The following SLCO1B1 variants were observed in gnomAD, a reference collection of about 807,000 sequenced individuals.
SLCO1B1 encodes the protein solute carrier organic anion transporter family member 1B1, also known as OATP-2.
A neutral mutation model predicts 70.1 loss-of-function variants in SLCO1B1; 81 were observed. The ratio of observed to expected loss-of-function variants is 1.16; its 90% CI spans 0.97 to 1.39. The LOEUF is 1.39. Among genes scored for constraint, SLCO1B1 ranks in the 40% most tolerant of loss-of-function variants. The probability of loss-of-function intolerance (pLI) is 0.00; values close to 1 mark genes in which losing one functional copy is unlikely to be tolerated. For synonymous variants in SLCO1B1, 283 were observed against 271.5 expected, an observed-to-expected ratio of 1.04 and a Z score of -0.42; for missense variants, 895 against 799.6, an observed-to-expected ratio of 1.12 and a Z score of -1.44.
At chr12:21,209,364 C>T (rs1343485086) in intron 11 of SLCO1B1, among the ~76,000 whole-genome samples, 1 of 152,062 alleles carries the variant, frequency 6.6e-6, no homozygotes, top group Admixed American at 6.6e-5. Context: ...CAGTTTCATC[C>T]ATGTCCCTAC....
intron 9 of SLCO1B1, among the ~76,000 whole-genome samples, chr12:21,201,321 T>C (rs1038221197): frequency 2.0e-5 from 3 of 152,110 alleles, no homozygotes; most frequent in African/African-American, 7.2e-5. Context: ...AGAAAATGAA[T>C]GTACTGAAGC....
intron 2 of SLCO1B1, among the ~76,000 whole-genome samples, chr12:21,165,805 T>A (rs1444008724): frequency 6.6e-6 from 1 of 152,130 alleles, no homozygotes; most frequent in Non-Finnish European, 1.5e-5. Flanking sequence ...TTGACCATGC[T>A]GGCACCCTTA....
At chr12:21,150,185 C>G (rs557524591) in intron 2 of SLCO1B1, among the ~76,000 whole-genome samples, 1 of 152,254 alleles carries the variant, frequency 6.6e-6, no homozygotes, top group South Asian at 2.1e-4. Flanking sequence ...AGAAAGGCAG[C>G]AGCCCCAGTC....
rs747056749 is a variant in SLCO1B1 at position 21,217,184 on chromosome 12, G to T, written c.1563G>T (p.Leu521Phe). The T allele has an allele frequency of 6.2e-7, 1 of 1,613,672 alleles. No individual in the cohort carries two copies. The highest frequency in any genetic ancestry group is 1.3e-5 in the African/African-American group (1 of 75,024). Reference protein sequence around the residue: ...GLQNRNYSAHLGECPRDDACT... With the variant: ...GLQNRNYSAHFGECPRDDACT... ...AGAACAGAAATTACTCAGCCCATTT[G>T]GGTGAATGCCCAAGAGATGATGCTT... The change falls in exon 12 of 15, where the codon TTG (leucine) becomes TTT (phenylalanine). Residue 521 changes from leucine to phenylalanine, a missense_variant. Leu to Phe is a conservative substitution (Grantham distance 22). Coordinates refer to ENST00000256958, the MANE Select transcript of SLCO1B1 (RefSeq NM_006446.5).
At chr12:21,135,950 C>T (rs1200932179) in intron 1 of SLCO1B1, among the ~76,000 whole-genome samples, 1 of 152,148 alleles carries the variant, frequency 6.6e-6, no homozygotes, top group Non-Finnish European at 1.5e-5. Context: ...TACAATTTGG[C>T]ATGTTTTTGC....
At chr12:21,214,711 C>T (rs1003596871) in intron 11 of SLCO1B1, among the ~76,000 whole-genome samples, 2 of 152,068 alleles carry the variant, frequency 1.3e-5, no homozygotes, top group African/African-American at 2.4e-5. Flanking sequence ...TAGCAATCAG[C>T]GAGACTCCAT....
intron 2 of SLCO1B1, among the ~76,000 whole-genome samples, chr12:21,167,824 T>G (rs1389344489): frequency 6.6e-6 from 1 of 150,940 alleles, no homozygotes; most frequent in Non-Finnish European, 1.5e-5. Context: ...TTTTCTTTTT[T>G]TTTTTTTTTT....
intron 14 of SLCO1B1, among the ~76,000 whole-genome samples, chr12:21,237,278 A>T (rs761675220): frequency 6.6e-6 from 1 of 152,208 alleles, no homozygotes; most frequent in Non-Finnish European, 1.5e-5. Flanking sequence ...TACAAGGAAG[A>T]TGTACTGGAA....
chr12:21,165,959 G>A (rs754374990), intron 2 of SLCO1B1, among the ~76,000 whole-genome samples: 2 of 151,634 alleles, frequency 1.3e-5, no homozygotes, highest in Non-Finnish European at 2.9e-5. Flanking sequence ...CACAGAATCC[G>A]CAAACTTGAA....
Position 21,205,916 on chromosome 12 carries a change from C to T in SLCO1B1, c.1380C>T (p.Asn460=), listed in dbSNP as rs1321458795. 6.8e-6 allele frequency: 11 copies of T among 1,610,446 alleles called. No homozygotes were observed. Among genetic ancestry groups the T allele is most frequent in the East Asian group, 2.2e-5 (1 of 44,770 alleles). ...SHRDVPLSYC[N]SDCNCDESQW... is the part of the protein sequence containing the mutation. ...GAGATGTACCACTTTCTTATTGCAACTCAGACTGCAATTGTGATGAAAGTC... is the reference window on the plus strand; with the variant it reads ...GAGATGTACCACTTTCTTATTGCAATTCAGACTGCAATTGTGATGAAAGTC... The change falls in exon 11 of 15, where the codon AAC becomes AAT. Residue 460 remains asparagine, a synonymous_variant. Transcript: ENST00000256958.
intron 2 of SLCO1B1, among the ~76,000 whole-genome samples, chr12:21,154,062 A>G (rs745585555): frequency 1.4e-4 from 21 of 151,412 alleles, no homozygotes; most frequent in Middle Eastern, 3.4e-3. Flanking sequence ...ACTTGCTTTT[A>G]CTATCTTACA....
rs143019732 is a variant in SLCO1B1 at position 21,186,784 on chromosome 12, G to T, written c.727+7764G>T. Among the ~76,000 whole-genome samples the T allele has an allele frequency of 9.0e-3, 1,371 of 152,084 alleles. 19 individuals are homozygous for T. The highest frequency in any genetic ancestry group is 0.035 in the South Asian group (170 of 4,826). ...CTTATCTCATATTGAAAATGAAATT[G>T]TTATATGGCTGCAAACTTTTATAAG... On this transcript the variant is annotated intron_variant, in intron 7 of 14. Coordinates refer to ENST00000256958, the MANE Select transcript of SLCO1B1 (RefSeq NM_006446.5).
intron 10 of SLCO1B1, 70 bp from the exon 11 acceptor site, chr12:21,205,798 T>C: frequency 2.6e-6 from 3 of 1,165,950 alleles, no homozygotes; most frequent in Non-Finnish European, 3.8e-6. Flanking sequence ...TACTTCTTCC[T>C]TCTCCTCCCC....
intron 11 of SLCO1B1, among the ~76,000 whole-genome samples, chr12:21,211,641 A>G (rs1016535923): frequency 6.6e-6 from 1 of 152,164 alleles, no homozygotes; most frequent in African/African-American, 2.4e-5. Flanking sequence ...GAATGGTACC[A>G]GTTCCTCCTT....
chr12:21,140,955 T>G (rs1272817189), intron 1 of SLCO1B1, among the ~76,000 whole-genome samples: 1 of 151,988 alleles, frequency 6.6e-6, no homozygotes, highest in Non-Finnish European at 1.5e-5. Context: ...AGAGTTGCTC[T>G]GAGAAGTACT....
chr12:21,238,464 A>C (rs1377424832), intron 14 of SLCO1B1, among the ~76,000 whole-genome samples: 2 of 151,560 alleles, frequency 1.3e-5, no homozygotes, highest in African/African-American at 4.9e-5. Context: ...TATTCCTTTC[A>C]ATCTATGTTT....
chr12:21,200,137 G>A (rs1941139424), intron 8 of SLCO1B1, among the ~76,000 whole-genome samples: 1 of 152,014 alleles, frequency 6.6e-6, no homozygotes, highest in African/African-American at 2.4e-5. Context: ...CATATTGTCT[G>A]GTACCCAGTT....
intron 11 of SLCO1B1, among the ~76,000 whole-genome samples, chr12:21,216,188 A>T (rs559496365): frequency 6.6e-6 from 1 of 152,160 alleles, no homozygotes; most frequent in South Asian, 2.1e-4. Context: ...ATGAACCATC[A>T]CTTCTTAAAA....
chr12:21,194,358 G>A (rs541742869), intron 7 of SLCO1B1, among the ~76,000 whole-genome samples: 1 of 152,118 alleles, frequency 6.6e-6, no homozygotes, highest in African/African-American at 2.4e-5. Flanking sequence ...TGAGACTAGT[G>A]ATTTTAGAGC....
Sources: allele counts gnomAD v4.1 joint callset (sites outside exome capture counted in the v4.1 genomes callset), GRCh38; gene constraint gnomAD v4.1.1; transcripts MANE v1.5; gene names NCBI Gene and HGNC (gene_info 2026-07-23, HGNC 2026-07-21).